PDE1A: variants seen among roughly 807,000 people sequenced by gnomAD.
PDE1A encodes the protein phosphodiesterase 1A.
A neutral mutation model predicts 61.7 loss-of-function variants in PDE1A; 35 were observed. The ratio of observed to expected loss-of-function variants is 0.57; its 90% CI spans 0.43 to 0.75. The LOEUF is 0.75. PDE1A is among the 30% of genes least tolerant of loss of function. The pLI is 0.00. For synonymous variants in PDE1A, 232 were observed against 213.2 expected (o/e 1.09, Z -0.77); for missense variants, 597 against 630.6 (o/e 0.95, Z 0.57).
At chr2:182,250,244 A>G (rs990295536) in intron 2 of PDE1A, among the ~76,000 whole-genome samples, 2 of 152,308 alleles carry the variant, frequency 1.3e-5, no homozygotes, top group East Asian at 3.9e-4. Flanking sequence ...ATCTGTCTTG[A>G]TCTGTCAGGA....
At chr2:182,210,912 A>G (rs1268320364) in intron 7 of PDE1A, among the ~76,000 whole-genome samples, 1 of 148,594 alleles carries the variant, frequency 6.7e-6, no homozygotes, top group South Asian at 2.2e-4. Flanking sequence ...AAAAAAAAAA[A>G]GAAATTTATT....
chr2:182,160,837 T>A (rs1691339991), intron 13 of PDE1A, among the ~76,000 whole-genome samples: 1 of 152,204 alleles, frequency 6.6e-6, no homozygotes, highest in African/African-American at 2.4e-5. Context: ...CAGACACTGA[T>A]GCCAGGAATG....
intron 2 of PDE1A, among the ~76,000 whole-genome samples, chr2:182,252,928 T>G (rs538359252): frequency 2.6e-5 from 4 of 152,296 alleles, no homozygotes; most frequent in African/African-American, 9.6e-5. Flanking sequence ...TATATAAATA[T>G]AGTAAAGAAT....
chr2:182,675,838 G>A, the PDE1A span, among the ~76,000 whole-genome samples: 1 of 152,108 alleles, frequency 6.6e-6, no homozygotes, highest in African/African-American at 2.4e-5. Context: ...GTTCCTTATA[G>A]ATGCTGGATA....
chr2:182,207,439 C>T (rs183567215), intron 7 of PDE1A, among the ~76,000 whole-genome samples: 6 of 152,242 alleles, frequency 3.9e-5, no homozygotes, highest in South Asian at 2.1e-4. Context: ...TTAGGGTATC[C>T]GGTGAAAGCA....
At chr2:182,574,920 G>A in the PDE1A span, among the ~76,000 whole-genome samples, 1 of 152,050 alleles carries the variant, frequency 6.6e-6, no homozygotes, top group South Asian at 2.1e-4. Flanking sequence ...TTGAACTCCT[G>A]ACCTCATGAT....
chr2:182,143,027 G>T (rs971548520), downstream of PDE1A: 3 of 152,196 alleles, frequency 2.0e-5, no homozygotes, highest in African/African-American at 7.2e-5. Flanking sequence ...TTTTCATGCT[G>T]ATTTCATTGT....
At chr2:182,540,711 TAC>T in the PDE1A span, among the ~76,000 whole-genome samples, 10 of 152,198 alleles carry the variant, frequency 6.6e-5, no homozygotes, top group African/African-American at 1.9e-4. Flanking sequence ...TCTTCATATG[TAC>T]ACAGTTTGTC....
intron 2 of PDE1A, among the ~76,000 whole-genome samples, chr2:182,441,275 G>A (rs186238732): frequency 3.9e-5 from 6 of 152,176 alleles, no homozygotes; most frequent in Admixed American, 3.3e-4. Flanking sequence ...AATTCAAGGT[G>A]AGATTTGGGT....
At chr2:182,422,435 A>G (rs1197267013) in intron 1 of PDE1A, among the ~76,000 whole-genome samples, 1 of 152,230 alleles carries the variant, frequency 6.6e-6, no homozygotes, top group Admixed American at 6.5e-5. Context: ...AGAGAAAATA[A>G]TTGTAACAAA....
chr2:182,429,313 CAA>C (rs955689131), upstream of PDE1A, among the ~76,000 whole-genome samples: 13 of 152,058 alleles, frequency 8.5e-5, no homozygotes, highest in African/African-American at 3.1e-4. Context: ...TTCAATAAGA[CAA>C]AGATTTCATG....
chr2:182,506,867 C>A (rs371145787), intron 2 of PDE1A, among the ~76,000 whole-genome samples: 2 of 152,174 alleles, frequency 1.3e-5, no homozygotes, highest in Admixed American at 1.3e-4. Flanking sequence ...GAACCATCTT[C>A]TTTTATGCAA....
chr2:182,677,993 G>A, the PDE1A span, among the ~76,000 whole-genome samples: 39 of 152,134 alleles, frequency 2.6e-4, no homozygotes, highest in African/African-American at 8.4e-4. Context: ...TTAATATATC[G>A]CAGCACAAAA....
the PDE1A span, among the ~76,000 whole-genome samples, chr2:182,674,285 A>G: frequency 2.6e-5 from 4 of 152,008 alleles, no homozygotes; most frequent in African/African-American, 9.7e-5. Flanking sequence ...TCCTTTCTAT[A>G]CACTGATATT....
the PDE1A span, among the ~76,000 whole-genome samples, chr2:182,714,535 T>C: frequency 4.3e-4 from 66 of 152,242 alleles, no homozygotes; most frequent in African/African-American, 1.5e-3. Context: ...ATCTTTCCTT[T>C]ATCTCCCATA....
chr2:182,193,017 T>C (rs184791258), intron 10 of PDE1A, among the ~76,000 whole-genome samples: 4 of 152,116 alleles, frequency 2.6e-5, no homozygotes, highest in African/African-American at 9.7e-5. Context: ...GAGAGGAGTC[T>C]CACTCTGTCG....
chr2:182,448,231 TTCCTTTTCTCAC>T (rs1317088005), intron 2 of PDE1A, among the ~76,000 whole-genome samples: 1 of 152,144 alleles, frequency 6.6e-6, no homozygotes, highest in Admixed American at 6.6e-5. Context: ...AAATTCTCCC[TTCCTTTTCTCAC>T]TCCTTTCTTC....
intron 2 of PDE1A, among the ~76,000 whole-genome samples, chr2:182,507,031 T>C (rs916967789): frequency 6.6e-6 from 1 of 152,216 alleles, no homozygotes. Context: ...ATGCCATTGA[T>C]AGTGTTGCTG....
At chr2:182,242,041 A>T in intron 2 of PDE1A, 1 of 1,300,966 alleles carries the variant, frequency 7.7e-7, no homozygotes, top group Non-Finnish European at 9.8e-7. Flanking sequence ...TGTAGGTAGA[A>T]CAAGTGGAAT....
Sources: allele counts gnomAD v4.1 joint callset (sites outside exome capture counted in the v4.1 genomes callset), GRCh38; gene constraint gnomAD v4.1.1; transcripts MANE v1.5; gene names NCBI Gene and HGNC (gene_info 2026-07-23, HGNC 2026-07-21).